Variants in PRKCA observed in about 807,000 individuals in gnomAD.
PRKCA encodes the protein protein kinase C alpha.
Under a neutral mutation model 87.0 loss-of-function variants are expected in PRKCA, and 27 were observed. The ratio of observed to expected loss-of-function variants is 0.31; its 90% CI spans 0.23 to 0.43. The LOEUF (loss-of-function observed/expected upper bound fraction) is 0.43. Among genes scored for constraint, PRKCA ranks in the 20% least tolerant of loss-of-function variants. The pLI, the probability that PRKCA is intolerant of heterozygous loss-of-function variation, is 1.00. For synonymous variants in PRKCA, 329 were observed against 311.1 expected, an observed-to-expected ratio of 1.06 and a Z score of -0.61; for missense variants, 518 against 852.3, an observed-to-expected ratio of 0.61 and a Z score of 4.88.
chr17:66,307,953 A>G (rs1567764295), intron 2 of PRKCA, among the ~76,000 whole-genome samples: 4 of 152,180 alleles, frequency 2.6e-5, no homozygotes, highest in Admixed American at 6.5e-5. Flanking sequence ...ATTTTATACG[A>G]CTTTGCAACT....
At chr17:66,330,507 A>G (rs2143278567) in intron 2 of PRKCA, among the ~76,000 whole-genome samples, 1 of 152,248 alleles carries the variant, frequency 6.6e-6, no homozygotes, top group Non-Finnish European at 1.5e-5. Flanking sequence ...ATATCTGTAA[A>G]AGGATTTATT....
chr17:66,707,456 T>C (rs111808093), intron 8 of PRKCA, among the ~76,000 whole-genome samples: 1 of 152,144 alleles, frequency 6.6e-6, no homozygotes, highest in African/African-American at 2.4e-5. Flanking sequence ...ATGAGGCTGG[T>C]TGGAGGCCTT....
intron 2 of PRKCA, among the ~76,000 whole-genome samples, chr17:66,429,851 T>C (rs1913010796): frequency 6.6e-6 from 1 of 152,200 alleles, no homozygotes; most frequent in Non-Finnish European, 1.5e-5. Flanking sequence ...TGGTGGTTTA[T>C]GTAGTTCTCT....
chr17:66,666,336 T>C (rs1365634031), intron 5 of PRKCA, among the ~76,000 whole-genome samples: 2 of 152,214 alleles, frequency 1.3e-5, no homozygotes, highest in East Asian at 1.9e-4. Flanking sequence ...GCTGCTGTGC[T>C]GCTGGGGCCA....
chr17:66,438,341 C>T (rs1159539408), intron 2 of PRKCA, among the ~76,000 whole-genome samples: 3 of 152,040 alleles, frequency 2.0e-5, no homozygotes, highest in Non-Finnish European at 4.4e-5. Context: ...ATGGGTAGCT[C>T]TCATATTTCC....
chr17:66,688,168 G>T, intron 6 of PRKCA, 134 bp from the exon 7 acceptor site: 1 of 1,090,736 alleles, frequency 9.2e-7, no homozygotes, highest in Non-Finnish European at 1.3e-6. Flanking sequence ...CCAGCATAAG[G>T]GGTTGGTATT....
chr17:66,788,160 A>G (rs1205286192), intron 15 of PRKCA, among the ~76,000 whole-genome samples: 2 of 152,302 alleles, frequency 1.3e-5, no homozygotes, highest in Admixed American at 6.5e-5. Flanking sequence ...GATGGAGTAC[A>G]ATATACCCTT....
At chr17:66,417,583 C>G (rs569916714) in intron 2 of PRKCA, among the ~76,000 whole-genome samples, 1 of 152,128 alleles carries the variant, frequency 6.6e-6, no homozygotes, top group African/African-American at 2.4e-5. Flanking sequence ...CATGTACCTG[C>G]AGAGAGCTCC....
chr17:66,360,646 C>A (rs1487042866), intron 2 of PRKCA, among the ~76,000 whole-genome samples: 5 of 152,122 alleles, frequency 3.3e-5, no homozygotes, highest in African/African-American at 1.2e-4. Context: ...GTTCAGGAGC[C>A]TCAGGCAGGA....
At chr17:66,351,637 G>A (rs1186307554) in intron 2 of PRKCA, among the ~76,000 whole-genome samples, 1 of 152,014 alleles carries the variant, frequency 6.6e-6, no homozygotes, top group Non-Finnish European at 1.5e-5. Flanking sequence ...ATTCTCCTGG[G>A]GTTATAAATC....
chr17:66,511,013 C>T (rs1917203814), intron 3 of PRKCA, among the ~76,000 whole-genome samples: 2 of 152,190 alleles, frequency 1.3e-5, no homozygotes, highest in African/African-American at 2.4e-5. Flanking sequence ...CCCCAAATAA[C>T]GTATTTTAAA....
chr17:66,614,922 T>C (rs1464336494), intron 3 of PRKCA, among the ~76,000 whole-genome samples: 1 of 151,632 alleles, frequency 6.6e-6, no homozygotes, highest in Non-Finnish European at 1.5e-5. Flanking sequence ...AACAGCAGAC[T>C]GAATGAGAAT....
intron 2 of PRKCA, among the ~76,000 whole-genome samples, chr17:66,327,783 G>T (rs921034702): frequency 1.1e-4 from 17 of 152,130 alleles, no homozygotes; most frequent in African/African-American, 4.1e-4. Flanking sequence ...ACAGAATGAG[G>T]TCTGAAATTT....
chr17:66,476,653 C>T (rs75680003), intron 2 of PRKCA, among the ~76,000 whole-genome samples: 1 of 152,178 alleles, frequency 6.6e-6, no homozygotes, highest in Non-Finnish European at 1.5e-5. Flanking sequence ...TCTCCCCTCA[C>T]TGGCCTGTGT....
chr17:66,677,797 G>A (rs1029326997), intron 5 of PRKCA, among the ~76,000 whole-genome samples: 2 of 152,212 alleles, frequency 1.3e-5, no homozygotes, highest in Admixed American at 1.3e-4. Flanking sequence ...AGTAAAGCAC[G>A]TGGAAACCTG....
intron 3 of PRKCA, among the ~76,000 whole-genome samples, chr17:66,519,944 G>GCTCAT (rs1967102039): frequency 6.6e-6 from 1 of 152,174 alleles, no homozygotes; most frequent in Admixed American, 6.5e-5. Flanking sequence ...AATTCCCAGA[G>GCTCAT]CTCATACACT....
chr17:66,363,394 T>C (rs897283485), intron 2 of PRKCA, among the ~76,000 whole-genome samples: 12 of 152,108 alleles, frequency 7.9e-5, no homozygotes, highest in Admixed American at 1.3e-4. Context: ...ACCAGAAAAA[T>C]GAAGCGTTGG....
chr17:66,653,020 C>T, intron 5 of PRKCA, among the ~76,000 whole-genome samples: 1 of 152,246 alleles, frequency 6.6e-6, no homozygotes, highest in East Asian at 1.9e-4. Flanking sequence ...GCCCCTGGCC[C>T]CTGGCCCCCG....
chr17:66,413,149 G>A (rs1432956767), intron 2 of PRKCA, among the ~76,000 whole-genome samples: 4 of 152,170 alleles, frequency 2.6e-5, no homozygotes, highest in Non-Finnish European at 5.9e-5. Context: ...GCCAGATTGT[G>A]ACCTGTGCTC....
Sources: allele counts gnomAD v4.1 joint callset (sites outside exome capture counted in the v4.1 genomes callset), GRCh38; gene constraint gnomAD v4.1.1; transcripts MANE v1.5; gene names NCBI Gene and HGNC (gene_info 2026-07-23, HGNC 2026-07-21).